MYOM1: variants seen among roughly 807,000 people sequenced by gnomAD.
The protein encoded by MYOM1 is myomesin-1.
A neutral mutation model predicts 205.3 loss-of-function variants in MYOM1; 164 were observed. The ratio of observed to expected loss-of-function variants is 0.80; its 90% confidence interval spans 0.70 to 0.91. The LOEUF is 0.91. Among genes scored for constraint, MYOM1 ranks in the 40% least tolerant of loss-of-function variants. The pLI, the probability that MYOM1 is intolerant of heterozygous loss-of-function variation, is 0.00. For missense variants in MYOM1, 2,011 were observed against 2,127.3 expected (o/e 0.95, Z 1.08); for synonymous variants, 772 against 789.4 (o/e 0.98, Z 0.37).
At chr18:3,196,613 G>T (rs2080991860) in intron 2 of MYOM1, among the ~76,000 whole-genome samples, 1 of 152,120 alleles carries the variant, frequency 6.6e-6, no homozygotes, top group South Asian at 2.1e-4. Context: ...GTGTGTGCAG[G>T]TATCTATGAG....
At chr18:3,075,644 ACACT>A in intron 35 of MYOM1, 77 bp downstream of exon 35, 1 of 1,498,308 alleles carries the variant, frequency 6.7e-7, no homozygotes, top group Non-Finnish European at 9.3e-7. Flanking sequence ...GCTCTTTCTA[ACACT>A]CAGAGGGGCG....
chr18:3,207,161 A>G (rs1426472080), intron 2 of MYOM1, among the ~76,000 whole-genome samples: 1 of 152,216 alleles, frequency 6.6e-6, no homozygotes. Context: ...ATAAAAACAA[A>G]TGCCCTAGGA....
chr18:3,191,182 G>A (rs989333526), intron 3 of MYOM1, among the ~76,000 whole-genome samples: 1 of 151,970 alleles, frequency 6.6e-6, no homozygotes, highest in African/African-American at 2.4e-5. Context: ...AAAATCTCCC[G>A]GTACTCTGCG....
rs765572797 is a variant in MYOM1, at chr18:3,215,079, G to A, written c.145C>T (p.Arg49Cys). 7.4e-6 allele frequency: 12 copies of A among 1,613,536 alleles called. No homozygotes were observed. In the South Asian group the frequency reaches 9.9e-5, roughly 13 times the overall value. Residue 49 changes from arginine to cysteine, a missense_variant, in exon 2 of 38, where the codon CGC becomes TGC. Arg to Cys is a radical substitution (Grantham distance 180). Coordinates refer to ENST00000356443, the MANE Select transcript of MYOM1 (RefSeq NM_003803.4). Reference sequence around the variant, plus strand: ...TCCCGGCGGTGCGCGGCGGAGGAGCGGCTGCTGTAGGCCGTGGAGCCCTGG... The same window carrying A: ...TCCCGGCGGTGCGCGGCGGAGGAGCAGCTGCTGTAGGCCGTGGAGCCCTGG... ...YTQGSTAYSSRSSAAHRRESE... is the reference protein window; with the variant it reads ...YTQGSTAYSSCSSAAHRRESE...
intron 29 of MYOM1, among the ~76,000 whole-genome samples, chr18:3,086,743 ATCTTGAGTT>A (rs1567897962): frequency 6.6e-6 from 1 of 152,220 alleles, no homozygotes; most frequent in South Asian, 2.1e-4. Flanking sequence ...GGTTAAAGGG[ATCTTGAGTT>A]TCATCTACAA....
chr18:3,220,384 A>G (rs140724063), upstream of MYOM1, among the ~76,000 whole-genome samples: 37 of 152,366 alleles, frequency 2.4e-4, no homozygotes, highest in Non-Finnish European at 3.7e-4. Flanking sequence ...ACTAAAGGCA[A>G]AACAAGGAAG....
intron 3 of MYOM1, among the ~76,000 whole-genome samples, chr18:3,193,361 T>TACATATATATATATACACACACACAC (rs1598758731): frequency 7.4e-6 from 1 of 135,906 alleles, no homozygotes; most frequent in African/African-American, 3.0e-5. Context: ...TATATATATA[T>TACATATATATATATACACACACACAC]ACACACACAC....
chr18:3,237,031 G>A, the MYOM1 span, among the ~76,000 whole-genome samples: 1 of 152,120 alleles, frequency 6.6e-6, no homozygotes, highest in Non-Finnish European at 1.5e-5. Flanking sequence ...AGGATGTAGA[G>A]GTCACTGGTG....
In MYOM1 at chr18:3,083,794, G is replaced by A; in HGVS notation, c.4479C>T (p.Ser1493=). The A allele has an allele frequency of 6.4e-7, 1 of 1,565,924 alleles. No individual in the cohort carries two copies. The change falls in exon 33 of 38, where the codon TCC becomes TCT. Residue 1493 remains serine (S), a synonymous_variant. Transcript: ENST00000356443. The part of the protein sequence containing the change: ...YYVEDLKVNW[S]HNGSAIRYSD... ...GTAAGTTCTCATTTACTTACTTGTG[G>A]GACCAGTTAACTTTCAAATCCTCCA...
intron 2 of MYOM1, among the ~76,000 whole-genome samples, chr18:3,200,197 A>C (rs553296484): frequency 2.0e-5 from 3 of 152,256 alleles, no homozygotes; most frequent in African/African-American, 7.2e-5. Context: ...AAAACAAAAA[A>C]ACCCAAAAAA....
intron 8 of MYOM1, among the ~76,000 whole-genome samples, chr18:3,170,441 A>G (rs1255670691): frequency 6.6e-6 from 1 of 152,230 alleles, no homozygotes; most frequent in Non-Finnish European, 1.5e-5. Flanking sequence ...TTTAAATTAA[A>G]TAATTTTAAT....
chr18:3,202,842 A>G (rs946569021), intron 2 of MYOM1, among the ~76,000 whole-genome samples: 4 of 152,092 alleles, frequency 2.6e-5, no homozygotes, highest in Non-Finnish European at 5.9e-5. Flanking sequence ...ACTTTACCCA[A>G]GGACGACAGA....
chr18:3,178,489 G>A (rs1407459985), intron 5 of MYOM1, among the ~76,000 whole-genome samples: 1 of 152,324 alleles, frequency 6.6e-6, no homozygotes, highest in South Asian at 2.1e-4. Flanking sequence ...GGAGGTTTGG[G>A]AGTAGGGAAC....
intron 37 of MYOM1, among the ~76,000 whole-genome samples, chr18:3,069,187 C>A (rs2078932913): frequency 6.6e-6 from 1 of 152,160 alleles, no homozygotes; most frequent in Non-Finnish European, 1.5e-5. Flanking sequence ...TCCACAGCCT[C>A]CCCACCATTT....
chr18:3,104,855 T>A (rs2079430968), intron 22 of MYOM1, among the ~76,000 whole-genome samples: 1 of 141,346 alleles, frequency 7.1e-6, no homozygotes, highest in Admixed American at 7.6e-5. Context: ...CAGGTCATCC[T>A]CCCACCTCTG....
At chr18:3,173,912 C>T (rs755189693) in intron 8 of MYOM1, 26 bp downstream of exon 8, 14 of 1,603,230 alleles carry the variant, frequency 8.7e-6, no homozygotes, top group Non-Finnish European at 1.1e-5. Context: ...AGAGGTGACA[C>T]TTAGTAAATG....
At chr18:3,220,722 TC>T (rs2081321796), upstream of MYOM1, among the ~76,000 whole-genome samples, 1 of 152,164 alleles carries the variant, frequency 6.6e-6, no homozygotes, top group Non-Finnish European at 1.5e-5. Context: ...AGCCATGTAA[TC>T]TCCAGCAATT....
At chr18:3,110,310 G>C (rs2079507538) in intron 22 of MYOM1, among the ~76,000 whole-genome samples, 1 of 152,078 alleles carries the variant, frequency 6.6e-6, no homozygotes, top group Non-Finnish European at 1.5e-5. Flanking sequence ...TAATGTAATG[G>C]GTCACGTGTA....
At chr18:3,174,316 C>A in intron 6 of MYOM1, 108 bp from the exon 7 acceptor site, 1 of 884,528 alleles carries the variant, frequency 1.1e-6, no homozygotes, top group Non-Finnish European at 1.8e-6. Flanking sequence ...AAATCAGTGG[C>A]TAACACATGG....
Sources: gnomAD v4.1 joint callset for allele counts (sites outside exome capture counted in the v4.1 genomes callset) on GRCh38, gnomAD v4.1.1 for gene constraint, MANE v1.5 for transcripts, NCBI Gene and HGNC (gene_info 2026-07-23, HGNC 2026-07-21) for gene names.